Variants in CLSPN observed in about 807,000 individuals in gnomAD.
CLSPN encodes the protein claspin homolog.
CLSPN carries 85 observed loss-of-function variants against 156.3 expected under a neutral mutation model. That is an observed-to-expected ratio of 0.54 (90% confidence interval 0.46 to 0.65). The LOEUF (loss-of-function observed/expected upper bound fraction) is 0.65. Among genes scored for constraint, CLSPN ranks in the 30% least tolerant of loss-of-function variants. CLSPN has a pLI of 0.00. For missense variants in CLSPN, 1,407 were observed against 1,554.9 expected (o/e 0.90, Z 1.60); for synonymous variants, 534 against 542.4 (o/e 0.98, Z 0.22).
At chr1:35,727,398 G>A (rs1381155938), downstream of CLSPN, among the ~76,000 whole-genome samples, 1 of 152,162 alleles carries the variant, frequency 6.6e-6, no homozygotes, top group Non-Finnish European at 1.5e-5. Context: ...ATTGAATGTG[G>A]GCTATCCTTG....
At position 35,734,488 on chromosome 1, in the gene CLSPN, T is replaced by C; in HGVS notation, c.*2008A>G. 1 of 440,896 alleles carries C rather than the reference T, an allele frequency of 2.3e-6. No individual in the cohort carries two copies. Among genetic ancestry groups the C allele is most frequent in the Non-Finnish European group, 3.0e-6 (1 of 332,594 alleles). The allele number at this position is 440,896 out of a possible 1,614,324, so 27.3% of individuals were successfully genotyped here. A position where few individuals can be genotyped will look rare whatever the true frequency, so the allele number is the denominator to read the frequency against. ...TCAGGTCAGGAGTTCAAGACCAGCC[T>C]GGCCAACATGGCGAAACCTCATCTC... On this transcript the variant is annotated 3_prime_UTR_variant, in exon 25 of 25. Transcript: ENST00000318121.
intron 24 of CLSPN, among the ~76,000 whole-genome samples, chr1:35,725,861 C>T (rs1329754517): frequency 6.6e-6 from 1 of 152,052 alleles, no homozygotes; most frequent in Non-Finnish European, 1.5e-5. Context: ...TCTCCTGGCA[C>T]GCACAGAGAA....
Position 35,733,430 on chromosome 1 carries a change from G to A in CLSPN, c.*3066C>T. 1.0e-6 allele frequency: 1 copy of A among 982,234 alleles called. No homozygotes were observed. The highest frequency in any genetic ancestry group is 4.7e-5 in the South Asian group (1 of 21,220). 60.8% of individuals were successfully genotyped at this position (982,234 alleles called of 1,614,324 possible). The stretch of plus-strand genomic sequence containing the variant: ...TCAGTCTCCTAAAGTGCTGGCGTGA[G>A]CCACCGGACCTGGCTGAATTTTCTT... On this transcript the variant is annotated 3_prime_UTR_variant, in exon 25 of 25. Transcript: ENST00000318121.
downstream of CLSPN, among the ~76,000 whole-genome samples, chr1:35,728,077 C>CTTTTTTTTTTTTTTTTTTT (rs59275877): frequency 4.8e-5 from 5 of 103,982 alleles, no homozygotes; most frequent in Non-Finnish European, 7.5e-5. Context: ...AAACCACAAG[C>CTTTTTTTTTTTTTTTTTTT]TTTTTTTTTT....
Position 35,761,943 on chromosome 1 carries a change from T to C in CLSPN, c.895+55A>G, listed in dbSNP as rs916702875. 6.6e-6 allele frequency: 8 copies of C among 1,203,302 alleles called. No homozygotes were observed. In the African/African-American group the frequency reaches 1.2e-4, roughly 18 times the overall value. The allele number at this position is 1,203,302 out of a possible 1,614,324, so 74.5% of individuals were successfully genotyped here. A position where few individuals can be genotyped will look rare whatever the true frequency, so the allele number is the denominator to read the frequency against. On this transcript the variant is annotated intron_variant, in intron 6 of 24. Transcript: ENST00000318121. ...AAATAAAAGTCCCCAACATCCAAGT[T>C]GAGCTTACAAAGAAATGTTGTGATT...
Position 35,739,222 on chromosome 1 carries a change from C to T in CLSPN, c.3344G>A (p.Arg1115His), listed in dbSNP as rs143427538. The T allele has an allele frequency of 7.7e-5, 125 of 1,614,204 alleles. 2 individuals are homozygous for T. In the Middle Eastern group the frequency reaches 5.6e-3, roughly 72 times the overall value. Residue 1115 changes from arginine to histidine, a missense_variant, in exon 20 of 25, where the codon CGT (arginine) becomes CAT (histidine). By Grantham distance (29) the Arg-to-His change is conservative (BLOSUM62 0). Transcript: ENST00000318121. ...AGCAAGGTACCTCTCTTGGTATAAA[C>T]GTAGCTGTCGCTTATCATCATCCAA... is the stretch of plus-strand genomic sequence containing the variant. ...TMLDDDKRQL[R>H]LYQERYLADG...
Position 35,738,082 on chromosome 1 carries a change from T to A in CLSPN, c.3574A>T (p.Ile1192Phe). 7.1e-7 allele frequency: 1 copy of A among 1,402,740 alleles called. No homozygotes were observed. Among genetic ancestry groups the A allele is most frequent in the Non-Finnish European group, 9.4e-7 (1 of 1,059,178 alleles). The allele number at this position is 1,402,740 out of a possible 1,614,324, so 86.9% of individuals were successfully genotyped here. Residue 1192 changes from isoleucine to phenylalanine, a missense_variant, in exon 22 of 25, where the codon ATT (isoleucine) becomes TTT (phenylalanine). Ile to Phe is a conservative substitution (Grantham distance 21). Transcript: ENST00000318121. ...WLRDMAQQGK[I>F]TAEEEEEIGE... Reference sequence around the variant, plus strand: ...ATTTCTTCTTCTTCTTCAGCTGTAATTTTCCCCTGCTGTGCCTGAAAAAAA... The same window carrying A: ...ATTTCTTCTTCTTCTTCAGCTGTAAATTTCCCCTGCTGTGCCTGAAAAAAA...
rs186653891 is a variant in CLSPN, at chr1:35,733,740, G to T, written c.*2756C>A. The T allele has an allele frequency of 3.1e-6, 3 of 965,246 alleles. No individual in the cohort carries two copies. In the African/African-American group the frequency reaches 5.3e-5, roughly 17 times the overall value. The allele number at this position is 965,246 out of a possible 1,614,324, so 59.8% of individuals were successfully genotyped here. A position where few individuals can be genotyped will look rare whatever the true frequency, so the allele number is the denominator to read the frequency against. Reference sequence around the variant, plus strand: ...AGCCTGTGACCCCAGCATTTTGGGAGGCCAAGGTGGGAGGATTACTTGAGG... The same window carrying T: ...AGCCTGTGACCCCAGCATTTTGGGATGCCAAGGTGGGAGGATTACTTGAGG... On this transcript the variant is annotated 3_prime_UTR_variant, in exon 25 of 25. Coordinates refer to ENST00000318121, the MANE Select transcript of CLSPN (RefSeq NM_022111.4).
chr1:35,755,047 T>C (rs991105314), intron 8 of CLSPN, among the ~76,000 whole-genome samples: 1 of 152,180 alleles, frequency 6.6e-6, no homozygotes. Flanking sequence ...GAAAGTTCCT[T>C]TGGAGTTGAT....
At chr1:35,729,522 G>A (rs143134056), downstream of CLSPN, among the ~76,000 whole-genome samples, 6 of 152,318 alleles carry the variant, frequency 3.9e-5, no homozygotes, top group African/African-American at 9.6e-5. Context: ...TGGGAAGGAC[G>A]TGGATGGTAC....
intron 14 of CLSPN, 113 bp from the exon 15 acceptor site, chr1:35,747,105 G>A (rs1215083742): frequency 1.4e-5 from 10 of 700,426 alleles, no homozygotes; most frequent in Admixed American, 2.4e-5. Context: ...GGCGGATCAC[G>A]AGGTCAGGAG....
rs746614098 is a variant in CLSPN at position 35,743,127 on chromosome 1, T to G, written c.3143+14A>C. 5.6e-6 allele frequency: 9 copies of G among 1,603,214 alleles called. No homozygotes were observed. The African/African-American group carries it at 1.1e-4, about 19-fold the overall frequency. On this transcript the variant is annotated intron_variant, in intron 18 of 24. Transcript: ENST00000318121. ...AAATACACCTGAAGGAATGGACATA[T>G]TAATAACACGTACATTTGCCTTTTC...
intron 9 of CLSPN, among the ~76,000 whole-genome samples, chr1:35,752,465 C>T (rs536935018): frequency 6.6e-6 from 1 of 151,780 alleles, no homozygotes; most frequent in South Asian, 2.1e-4. Flanking sequence ...GTAATCCCAG[C>T]TATTCGGGAG....
rs142777839 is a variant in CLSPN at position 35,749,723 on chromosome 1, A to G, written c.2117T>C (p.Ile706Thr). 53 of 1,614,092 alleles carry G rather than the reference A, an allele frequency of 3.3e-5. No homozygotes were observed. In the African/African-American group the frequency reaches 4.9e-4, roughly 15 times the overall value. Residue 706 changes from isoleucine (I) to threonine (T), a missense_variant, in exon 11 of 25, where the codon ATT (isoleucine) becomes ACT (threonine). This residue lies in a region of CLSPN where 1,096 missense variants were observed against 1,193.0 expected (regional missense o/e 0.92). Coordinates refer to ENST00000318121, the MANE Select transcript of CLSPN (RefSeq NM_022111.4). ...AGAGAGGAAGCCAACTGCCTTGCCA[A>G]TTTCACTACTGCCATCATTATTTTC... ...DKENNDGSSE[I>T]GKAVGFLSVP...
rs1158593086 is a variant in CLSPN, at chr1:35,737,064, G to A, written c.3759C>T (p.Gly1253=). 3.1e-6 allele frequency: 5 copies of A among 1,613,854 alleles called. No individual in the cohort carries two copies. Among genetic ancestry groups the A allele is most frequent in the Non-Finnish European group, 4.2e-6 (5 of 1,179,950 alleles). ...RPGSAQQVKT[G]SLLNQPKAVL... is the part of the protein sequence containing the mutation. Reference sequence around the variant, plus strand: ...CAGCTTTGGGCTGGTTTAGCAGTGAGCCTGTCTTCACCTGAGGAAAGAAGA... The same window carrying A: ...CAGCTTTGGGCTGGTTTAGCAGTGAACCTGTCTTCACCTGAGGAAAGAAGA... Residue 1253 remains glycine, a synonymous_variant, in exon 24 of 25, where the codon GGC becomes GGT. Coordinates refer to ENST00000318121, the MANE Select transcript of CLSPN (RefSeq NM_022111.4).
intron 8 of CLSPN, among the ~76,000 whole-genome samples, chr1:35,756,189 A>G (rs1642266679): frequency 6.6e-6 from 1 of 152,222 alleles, no homozygotes; most frequent in South Asian, 2.1e-4. Context: ...CAAACAAAAG[A>G]GTAGAGAGAC....
At chr1:35,721,159 A>G in intron 24 of CLSPN, among the ~76,000 whole-genome samples, 1 of 152,190 alleles carries the variant, frequency 6.6e-6, no homozygotes, top group Non-Finnish European at 1.5e-5. Flanking sequence ...GATTACTACA[A>G]TAGCACAAGG....
At position 35,740,073 on chromosome 1, in the gene CLSPN, T is replaced by C. The variant is rs545343402; in HGVS notation, c.3144-544A>G. Among the ~76,000 whole-genome samples, 201 of 152,352 alleles carry C rather than the reference T, an allele frequency of 1.3e-3. 5 individuals carry two copies. In the South Asian group the frequency reaches 0.039, roughly 29 times the overall value. The stretch of plus-strand genomic sequence containing the variant: ...TGAAAGCCAGAAAACTCTTAATCTC[T>C]TTTACATGTATTAGAATACCTGCTG... On this transcript the variant is annotated intron_variant, in intron 18 of 24. Coordinates refer to ENST00000318121, the MANE Select transcript of CLSPN (RefSeq NM_022111.4).
At chr1:35,725,742 A>T (rs1641168533) in intron 24 of CLSPN, among the ~76,000 whole-genome samples, 1 of 152,142 alleles carries the variant, frequency 6.6e-6, no homozygotes, top group African/African-American at 2.4e-5. Context: ...AGCTGGGTGT[A>T]TAAACCGCTC....
Sources: allele counts gnomAD v4.1 joint callset (sites outside exome capture counted in the v4.1 genomes callset), GRCh38; gene constraint gnomAD v4.1.1; regional missense constraint gnomAD v4.1.1; transcripts MANE v1.5; gene names NCBI Gene and HGNC (gene_info 2026-07-23, HGNC 2026-07-21).